SEMA4A: variants seen among roughly 807,000 people sequenced by gnomAD.
SEMA4A encodes semaphorin 4A.
A neutral mutation model predicts 72.5 loss-of-function variants in SEMA4A; 52 were observed. The ratio of observed to expected loss-of-function variants is 0.72; its 90% CI spans 0.57 to 0.90. The LOEUF (loss-of-function observed/expected upper bound fraction) is 0.90. SEMA4A is among the 40% of genes least tolerant of loss of function. SEMA4A has a pLI of 0.00. For missense variants in SEMA4A, 926 were observed against 959.7 expected (o/e 0.96, Z 0.46); for synonymous variants, 369 against 393.1 (o/e 0.94, Z 0.73).
intron 8 of SEMA4A, 119 bp downstream of exon 8, chr1:156,161,148 G>A: frequency 1.2e-6 from 1 of 825,316 alleles, no homozygotes; most frequent in Admixed American, 2.8e-5. Flanking sequence ...GGAACAAGCG[G>A]GCCTGGCGGG....
At chr1:156,161,102 T>G in intron 8 of SEMA4A, 73 bp downstream of exon 8, 6 of 1,415,068 alleles carry the variant, frequency 4.2e-6, no homozygotes, top group Non-Finnish European at 5.7e-6. Flanking sequence ...CAGGACTGAG[T>G]GGTGGGCCCC....
At position 156,154,701 on chromosome 1, in the gene SEMA4A, G is replaced by T; in HGVS notation, c.123G>T (p.Arg41Ser). ...AGGGGQGPMPRVRYYAGDERR... is the reference protein window; with the variant it reads ...AGGGGQGPMPSVRYYAGDERR... ...GAGGCGGGCAGGGGCCCATGCCCAGGGTCAGATACTATGCAGGTAAGTGTC... is the reference window on the plus strand; with the variant it reads ...GAGGCGGGCAGGGGCCCATGCCCAGTGTCAGATACTATGCAGGTAAGTGTC... Residue 41 changes from arginine (R) to serine (S), a missense_variant, in exon 2 of 15, where the codon AGG (arginine) becomes AGT (serine). Transcript: ENST00000368285. 2 of 1,586,322 alleles carry T rather than the reference G, an allele frequency of 1.3e-6. No homozygotes were observed. Among genetic ancestry groups the T allele is most frequent in the East Asian group, 2.3e-5 (1 of 44,124 alleles).
rs1164796224 is a variant in SEMA4A, at chr1:156,174,810, G to T, written c.1316-12G>T. 6 of 1,614,172 alleles carry T rather than the reference G, an allele frequency of 3.7e-6. 1 individual carries two copies. The South Asian group carries it at 6.6e-5, about 18-fold the overall frequency. On this transcript the variant is annotated splice_polypyrimidine_tract_variant and intron_variant, in intron 11 of 14. Coordinates refer to ENST00000368285, the MANE Select transcript of SEMA4A (RefSeq NM_022367.4). The stretch of plus-strand genomic sequence containing the variant: ...AGATGAGATGACTTCCACTCTCTCT[G>T]TCTCCCCATAGCCACAGGGTCGCTC...
intron 2 of SEMA4A, 108 bp downstream of exon 2, chr1:156,154,825 G>A (rs1652866256): frequency 1.1e-5 from 15 of 1,314,800 alleles, no homozygotes; most frequent in Non-Finnish European, 1.6e-5. Context: ...GGAGAAACAG[G>A]GACACAGAGA....
Sources: allele counts gnomAD v4.1 joint callset, GRCh38; gene constraint gnomAD v4.1.1; transcripts MANE v1.5; gene names NCBI Gene and HGNC (gene_info 2026-07-23, HGNC 2026-07-21).